ASIC2: variants seen among roughly 807,000 people sequenced by gnomAD.
The protein encoded by ASIC2 is acid-sensing ion channel 2.
Under a neutral mutation model 57.3 loss-of-function variants are expected in ASIC2, and 25 were observed. The observed-to-expected ratio is 0.44, with a 90% CI of 0.32 to 0.61. The LOEUF is 0.61. ASIC2 is among the 20% of genes least tolerant of loss of function. The probability of loss-of-function intolerance (pLI) is 0.06; values close to 1 mark genes in which losing one functional copy is unlikely to be tolerated. For synonymous variants in ASIC2, 319 were observed against 307.5 expected (o/e 1.04, Z -0.39); for missense variants, 641 against 738.1 (o/e 0.87, Z 1.52).
intron 1 of ASIC2, among the ~76,000 whole-genome samples, chr17:34,125,507 C>T (rs1911753156): frequency 6.6e-6 from 1 of 152,180 alleles, no homozygotes; most frequent in East Asian, 1.9e-4. Context: ...CTCATGGAAT[C>T]TCCAGGAGAC....
chr17:33,442,839 C>T (rs1298849721), intron 1 of ASIC2, among the ~76,000 whole-genome samples: 2 of 152,110 alleles, frequency 1.3e-5, no homozygotes, highest in Admixed American at 1.3e-4. Context: ...TGGCAGTTGA[C>T]ATTCTTGCAT....
intron 1 of ASIC2, among the ~76,000 whole-genome samples, chr17:33,281,549 T>C (rs957109456): frequency 1.3e-5 from 2 of 152,024 alleles, no homozygotes; most frequent in Non-Finnish European, 2.9e-5. Context: ...TTTTTAAGTT[T>C]TGAAACAGCC....
chr17:33,117,354 T>G (rs2092285294), intron 1 of ASIC2, among the ~76,000 whole-genome samples: 2 of 151,908 alleles, frequency 1.3e-5, no homozygotes, highest in Non-Finnish European at 1.5e-5. Context: ...GTTTGTATTT[T>G]TAGTAGAGAC....
intron 1 of ASIC2, among the ~76,000 whole-genome samples, chr17:34,148,848 G>T (rs1904392610): frequency 6.6e-6 from 1 of 152,106 alleles, no homozygotes; most frequent in Non-Finnish European, 1.5e-5. Context: ...CTAAAAGGAA[G>T]GAATCTCCTA....
At chr17:33,152,746 G>A (rs1322929353) in intron 1 of ASIC2, among the ~76,000 whole-genome samples, 1 of 152,346 alleles carries the variant, frequency 6.6e-6, no homozygotes, top group East Asian at 1.9e-4. Flanking sequence ...AGAATTCCCT[G>A]TACATCATCC....
At chr17:34,018,360 C>T (rs551599516) in intron 1 of ASIC2, among the ~76,000 whole-genome samples, 1 of 152,210 alleles carries the variant, frequency 6.6e-6, no homozygotes, top group African/African-American at 2.4e-5. Context: ...ATTGACAATG[C>T]ATCTGGTGAC....
chr17:33,211,553 A>AT (rs1555581826), intron 1 of ASIC2, among the ~76,000 whole-genome samples: 7 of 149,382 alleles, frequency 4.7e-5, no homozygotes, highest in African/African-American at 1.8e-4. Flanking sequence ...AAAAAAAAAA[A>AT]TCAAAGTGAA....
At chr17:33,447,311 T>G (rs1912063239) in intron 1 of ASIC2, among the ~76,000 whole-genome samples, 1 of 152,114 alleles carries the variant, frequency 6.6e-6, no homozygotes. Flanking sequence ...TGGTGGCAAG[T>G]GTGTCCCAGG....
chr17:33,852,483 G>A (rs1004677988), intron 1 of ASIC2, among the ~76,000 whole-genome samples: 1 of 152,164 alleles, frequency 6.6e-6, no homozygotes, highest in Non-Finnish European at 1.5e-5. Context: ...AAGGCACTAT[G>A]ATGGATTTTA....
intron 1 of ASIC2, among the ~76,000 whole-genome samples, chr17:33,824,981 G>A (rs1225064445): frequency 1.3e-5 from 2 of 152,152 alleles, no homozygotes; most frequent in Non-Finnish European, 2.9e-5. Flanking sequence ...GTTGTGGATA[G>A]CATTGAACAA....
intron 1 of ASIC2, chr17:34,003,307 T>G (rs1192585760): frequency 6.6e-6 from 1 of 152,138 alleles, no homozygotes; most frequent in Non-Finnish European, 1.5e-5. Flanking sequence ...TAAGACAGAT[T>G]TCACAGGATT....
intron 1 of ASIC2, chr17:33,534,582 A>G (rs1408268610): frequency 6.6e-6 from 1 of 152,254 alleles, no homozygotes; most frequent in Non-Finnish European, 1.5e-5. Context: ...AGGCCTCTGC[A>G]TATGATGTTG....
intron 1 of ASIC2, among the ~76,000 whole-genome samples, chr17:33,767,927 C>T (rs1005333562): frequency 1.3e-4 from 20 of 152,116 alleles, no homozygotes; most frequent in African/African-American, 4.6e-4. Flanking sequence ...AACAGTGTAA[C>T]ATCTACATAA....
At position 33,922,170 on chromosome 17, in the gene ASIC2, G is replaced by A. The variant is rs180723323; in HGVS notation, c.555+233808C>T. Among the ~76,000 whole-genome samples, 9 of 152,282 alleles carry A rather than the reference G, an allele frequency of 5.9e-5. No individual in the cohort carries two copies. The East Asian group carries it at 1.7e-3, about 29-fold the overall frequency. On this transcript the variant is annotated intron_variant, in intron 1 of 9. Coordinates refer to the ASIC2 transcript ENST00000359872. Reference sequence around the variant, plus strand: ...TCTCCAGTTCCCATTATGACTTGGTGATTAAGACCAGTATTGAATCCTTGC... The same window carrying A: ...TCTCCAGTTCCCATTATGACTTGGTAATTAAGACCAGTATTGAATCCTTGC...
At chr17:33,266,686 C>T (rs189924774) in intron 1 of ASIC2, among the ~76,000 whole-genome samples, 26 of 152,126 alleles carry the variant, frequency 1.7e-4, no homozygotes, top group Middle Eastern at 3.4e-3. Flanking sequence ...GAACCAGACA[C>T]TAAGTGGATG....
chr17:33,337,669 G>A (rs1907567729), intron 1 of ASIC2, among the ~76,000 whole-genome samples: 1 of 152,192 alleles, frequency 6.6e-6, no homozygotes, highest in African/African-American at 2.4e-5. Context: ...GAGGGGCAAG[G>A]AGGATGGAGA....
chr17:33,052,911 A>T (rs1180136067), intron 3 of ASIC2: 1 of 152,162 alleles, frequency 6.6e-6, no homozygotes, highest in African/African-American at 2.4e-5. Context: ...GGATCCCCTG[A>T]CTGAGTAGAT....
At chr17:34,151,432 G>A (rs1904522142) in intron 1 of ASIC2, among the ~76,000 whole-genome samples, 1 of 152,162 alleles carries the variant, frequency 6.6e-6, no homozygotes, top group Non-Finnish European at 1.5e-5. Context: ...CATGCATGAA[G>A]CACTATGACA....
At chr17:33,301,248 C>T (rs368817288) in intron 1 of ASIC2, among the ~76,000 whole-genome samples, 1 of 149,364 alleles carries the variant, frequency 6.7e-6, no homozygotes, top group Admixed American at 6.7e-5. Flanking sequence ...ACCATGTCAT[C>T]GAGGCTGGTC....
Sources: gnomAD v4.1 joint callset for allele counts (sites outside exome capture counted in the v4.1 genomes callset) on GRCh38, gnomAD v4.1.1 for gene constraint, MANE v1.5 for transcripts, NCBI Gene and HGNC (gene_info 2026-07-23, HGNC 2026-07-21) for gene names.